TENM3: variants seen among roughly 807,000 people sequenced by gnomAD.
The protein encoded by TENM3 is teneurin transmembrane protein 3, also known as teneurin-3.
TENM3 carries 63 observed loss-of-function variants against 255.1 expected under a neutral mutation model. That is an observed-to-expected ratio of 0.25 (90% CI 0.20 to 0.30). TENM3 has a LOEUF of 0.30. TENM3 is among the 10% of genes least tolerant of loss of function. The pLI, the probability that TENM3 is intolerant of heterozygous loss-of-function variation, is 1.00. For synonymous variants in TENM3, 1,306 were observed against 1,322.3 expected (o/e 0.99, Z 0.27); for missense variants, 2,929 against 3,461.1 (o/e 0.85, Z 3.86).
At chr4:182,211,921 A>C (rs1426523473) in intron 1 of TENM3, among the ~76,000 whole-genome samples, 1 of 152,146 alleles carries the variant, frequency 6.6e-6, no homozygotes. Flanking sequence ...AAGGTTTTTC[A>C]CTAGGAATAG....
chr4:182,166,773 A>G (rs1025871403), intron 1 of TENM3, among the ~76,000 whole-genome samples: 2 of 152,144 alleles, frequency 1.3e-5, no homozygotes, highest in Admixed American at 6.5e-5. Flanking sequence ...CTGGAATTAC[A>G]AGCAAGATTT....
intron 3 of TENM3, among the ~76,000 whole-genome samples, chr4:182,432,076 C>CA (rs1179857938): frequency 0.013 from 934 of 74,286 alleles, 1 homozygote; most frequent in Middle Eastern, 0.029. Flanking sequence ...GAGAAAGTCT[C>CA]AAAAAAAAAA....
At chr4:182,076,207 CTTCTTCTTT>C in the TENM3 span, among the ~76,000 whole-genome samples, 1 of 110,174 alleles carries the variant, frequency 9.1e-6, no homozygotes, top group Non-Finnish European at 1.9e-5. Context: ...TCTCCTTCTT[CTTCTTCTTT>C]TTTTTTTTTT....
intron 3 of TENM3, among the ~76,000 whole-genome samples, chr4:182,435,915 C>T (rs1210350511): frequency 6.6e-6 from 1 of 151,626 alleles, no homozygotes; most frequent in African/African-American, 2.4e-5. Context: ...ATATTTTACT[C>T]TTTGGAAAGT....
chr4:182,284,323 AG>A (rs1760591392), intron 1 of TENM3, among the ~76,000 whole-genome samples: 1 of 152,172 alleles, frequency 6.6e-6, no homozygotes, highest in South Asian at 2.1e-4. Flanking sequence ...ATGACCCCAG[AG>A]GGGCATATTC....
At chr4:181,510,919 C>G in the TENM3 span, among the ~76,000 whole-genome samples, 1 of 152,198 alleles carries the variant, frequency 6.6e-6, no homozygotes, top group Admixed American at 6.5e-5. Context: ...ATATCCAGAA[C>G]TGAAATCTGA....
At chr4:181,897,144 T>C in the TENM3 span, among the ~76,000 whole-genome samples, 2 of 152,204 alleles carry the variant, frequency 1.3e-5, no homozygotes, top group Non-Finnish European at 2.9e-5. Context: ...GCTCCAAAGC[T>C]GGCTATTTTT....
the TENM3 span, among the ~76,000 whole-genome samples, chr4:181,746,574 T>C: frequency 2.0e-5 from 3 of 152,096 alleles, no homozygotes; most frequent in Non-Finnish European, 4.4e-5. Context: ...AAATTTTTTT[T>C]CTTTGGCTGT....
At chr4:182,284,453 C>T (rs1760601866) in intron 1 of TENM3, among the ~76,000 whole-genome samples, 1 of 152,154 alleles carries the variant, frequency 6.6e-6, no homozygotes, top group Non-Finnish European at 1.5e-5. Context: ...GCGGATCGTA[C>T]TGGTCAGCAT....
the TENM3 span, among the ~76,000 whole-genome samples, chr4:181,609,479 T>C: frequency 6.6e-6 from 1 of 152,220 alleles, no homozygotes; most frequent in African/African-American, 2.4e-5. Context: ...AGGAGAACAG[T>C]TGTCTGACCT....
chr4:181,867,830 T>C, the TENM3 span, among the ~76,000 whole-genome samples: 1 of 152,146 alleles, frequency 6.6e-6, no homozygotes, highest in Non-Finnish European at 1.5e-5. Context: ...ACACACCTTT[T>C]TGGTAAGTAG....
the TENM3 span, among the ~76,000 whole-genome samples, chr4:181,557,337 A>C: frequency 6.6e-6 from 1 of 152,166 alleles, no homozygotes. Context: ...GCCAATTCCT[A>C]CTTTGCAGTT....
chr4:182,477,470 T>G (rs1451123122), intron 3 of TENM3, among the ~76,000 whole-genome samples: 1 of 152,178 alleles, frequency 6.6e-6, no homozygotes, highest in Non-Finnish European at 1.5e-5. Context: ...AGCCTAAATT[T>G]ATTTTTTATG....
At chr4:181,789,957 T>C in the TENM3 span, among the ~76,000 whole-genome samples, 1 of 152,154 alleles carries the variant, frequency 6.6e-6, no homozygotes, top group Non-Finnish European at 1.5e-5. Flanking sequence ...AGTCTTTCCC[T>C]GAGTTCTGTG....
chr4:182,777,342 C>G (rs181414544), intron 24 of TENM3, among the ~76,000 whole-genome samples: 1 of 152,108 alleles, frequency 6.6e-6, no homozygotes, highest in Admixed American at 6.5e-5. Context: ...GGAAAGCCAG[C>G]CTCACAATAT....
At chr4:181,791,833 G>A in the TENM3 span, among the ~76,000 whole-genome samples, 1 of 152,188 alleles carries the variant, frequency 6.6e-6, no homozygotes, top group Non-Finnish European at 1.5e-5. Flanking sequence ...ACTTTGACTA[G>A]TACCAAAACA....
At chr4:182,002,453 G>A in the TENM3 span, among the ~76,000 whole-genome samples, 2 of 151,896 alleles carry the variant, frequency 1.3e-5, no homozygotes, top group African/African-American at 2.4e-5. Context: ...TCTTCATTAA[G>A]TCTAGGCTTA....
chr4:181,503,658 T>A, the TENM3 span, among the ~76,000 whole-genome samples: 1 of 152,138 alleles, frequency 6.6e-6, no homozygotes, highest in Non-Finnish European at 1.5e-5. Flanking sequence ...CGTCTGGTGT[T>A]GGGACTCCCT....
the TENM3 span, among the ~76,000 whole-genome samples, chr4:181,891,309 A>T: frequency 6.6e-6 from 1 of 152,190 alleles, no homozygotes; most frequent in Non-Finnish European, 1.5e-5. Context: ...TTGTCATCTT[A>T]AGAAACTAAC....
Sources: allele counts gnomAD v4.1 joint callset (sites outside exome capture counted in the v4.1 genomes callset), GRCh38; gene constraint gnomAD v4.1.1; transcripts MANE v1.5; gene names NCBI Gene and HGNC (gene_info 2026-07-23, HGNC 2026-07-21).